TMEM132C: variants seen among roughly 807,000 people sequenced by gnomAD.
TMEM132C encodes transmembrane protein 132C.
TMEM132C carries 29 observed loss-of-function variants against 61.4 expected under a neutral mutation model. That is an observed-to-expected ratio of 0.47 (90% CI 0.35 to 0.64). The LOEUF (loss-of-function observed/expected upper bound fraction) is 0.64, where lower values mean the gene tolerates loss of function less well. Among genes scored for constraint, TMEM132C ranks in the 30% least tolerant of loss-of-function variants. The probability of loss-of-function intolerance (pLI) is 0.00; values close to 1 mark genes in which losing one functional copy is unlikely to be tolerated. For synonymous variants in TMEM132C, 656 were observed against 633.1 expected (o/e 1.04, Z -0.54); for missense variants, 1,408 against 1,476.9 (o/e 0.95, Z 0.76).
intron 1 of TMEM132C, among the ~76,000 whole-genome samples, chr12:128,279,001 T>G (rs1170003170): frequency 1.3e-5 from 2 of 152,190 alleles, no homozygotes; most frequent in East Asian, 3.9e-4. Flanking sequence ...CCCTACAGAT[T>G]TTGGACTTGC....
At chr12:128,413,465 C>T (rs117432306) in intron 1 of TMEM132C, among the ~76,000 whole-genome samples, 2,328 of 151,750 alleles carry the variant, frequency 0.015, 27 homozygotes, top group Non-Finnish European at 0.025. Flanking sequence ...AAGGTCGTAC[C>T]GCTTTTCATT....
At chr12:128,414,636 C>T in intron 1 of TMEM132C, 96 bp from the exon 2 acceptor site, 1 of 1,325,080 alleles carries the variant, frequency 7.5e-7, no homozygotes, top group East Asian at 2.6e-5. Flanking sequence ...ATTTCTATCC[C>T]TCATTTCTAA....
At chr12:128,600,022 A>G (rs531039159) in intron 3 of TMEM132C, among the ~76,000 whole-genome samples, 39 of 152,098 alleles carry the variant, frequency 2.6e-4, no homozygotes, top group Admixed American at 1.2e-3. Flanking sequence ...TCTGGCTGTC[A>G]CCCAGGCTGG....
At chr12:128,392,635 C>T (rs190281686) in intron 1 of TMEM132C, among the ~76,000 whole-genome samples, 1 of 152,118 alleles carries the variant, frequency 6.6e-6, no homozygotes, top group African/African-American at 2.4e-5. Context: ...GTAGCAAAGA[C>T]AGGCAAACAG....
chr12:128,635,370 AC>A (rs1354195030), intron 4 of TMEM132C, among the ~76,000 whole-genome samples: 1 of 152,072 alleles, frequency 6.6e-6, no homozygotes, highest in Non-Finnish European at 1.5e-5. Flanking sequence ...ATTTTCAAGA[AC>A]CTTAGGTGGG....
rs546008474 is a variant in TMEM132C, at chr12:128,301,314, T to A, written c.85+33827T>A. Among the ~76,000 whole-genome samples the A allele has an allele frequency of 2.6e-4, 40 of 152,344 alleles. No homozygotes were observed. In the South Asian group the frequency reaches 8.1e-3, roughly 31 times the overall value. On this transcript the variant is annotated intron_variant, in intron 1 of 8. Coordinates refer to ENST00000435159, the MANE Select transcript of TMEM132C (RefSeq NM_001136103.3). ...CAGTTAGCTCTCCAGACCTCAGTTCTAGTTCCCGCCTCATTGCTGTGTTCA... is the reference window on the plus strand; with the variant it reads ...CAGTTAGCTCTCCAGACCTCAGTTCAAGTTCCCGCCTCATTGCTGTGTTCA...
intron 1 of TMEM132C, among the ~76,000 whole-genome samples, chr12:128,277,360 G>A (rs1870728366): frequency 6.6e-6 from 1 of 152,112 alleles, no homozygotes; most frequent in African/African-American, 2.4e-5. Flanking sequence ...CTTCATTTTG[G>A]AGAGGCCATC....
rs968484416 is a variant in TMEM132C, at chr12:128,616,143, C to G, written c.1122-9C>G. The G allele has an allele frequency of 5.2e-6, 8 of 1,549,284 alleles. No individual in the cohort carries two copies. The East Asian group carries it at 9.8e-5, about 19-fold the overall frequency. On this transcript the variant is annotated splice_polypyrimidine_tract_variant and intron_variant, in intron 3 of 8. Coordinates refer to ENST00000435159, the MANE Select transcript of TMEM132C (RefSeq NM_001136103.3). ...TTGGCTTAAAGCCAGTTTCTTTTCT[C>G]TCTTCCAGGAGCAGCAGTTTATTCA...
chr12:128,620,478 G>T (rs1022928523), intron 4 of TMEM132C, among the ~76,000 whole-genome samples: 1 of 152,124 alleles, frequency 6.6e-6, no homozygotes, highest in African/African-American at 2.4e-5. Flanking sequence ...AGGGGATGGG[G>T]TCTAACTGAT....
chr12:128,603,993 A>T (rs1414547505), intron 3 of TMEM132C, among the ~76,000 whole-genome samples: 1 of 152,186 alleles, frequency 6.6e-6, no homozygotes, highest in Non-Finnish European at 1.5e-5. Context: ...GGGGAAGTGT[A>T]GAGAGAAGAG....
intron 1 of TMEM132C, among the ~76,000 whole-genome samples, chr12:128,310,860 A>G (rs1871942960): frequency 6.6e-6 from 1 of 152,198 alleles, no homozygotes; most frequent in African/African-American, 2.4e-5. Flanking sequence ...TGTGTTTCAA[A>G]ATATGGAGAA....
chr12:128,509,905 T>G (rs1263440429), intron 2 of TMEM132C, among the ~76,000 whole-genome samples: 1 of 152,064 alleles, frequency 6.6e-6, no homozygotes, highest in Non-Finnish European at 1.5e-5. Flanking sequence ...TATCAGAGAG[T>G]CAAACTAAAT....
intron 1 of TMEM132C, among the ~76,000 whole-genome samples, chr12:128,267,791 C>T (rs1176566159): frequency 3.3e-5 from 5 of 152,176 alleles, no homozygotes; most frequent in Admixed American, 2.0e-4. Context: ...GGTGTTTGTT[C>T]CCCATCCCTG....
chr12:128,287,102 A>C (rs1871099192), intron 1 of TMEM132C, among the ~76,000 whole-genome samples: 1 of 152,116 alleles, frequency 6.6e-6, no homozygotes, highest in African/African-American at 2.4e-5. Context: ...AGCACTGTTG[A>C]CATGTTGGGC....
chr12:128,369,739 A>AC (rs753900397), intron 1 of TMEM132C, among the ~76,000 whole-genome samples: 161 of 152,326 alleles, frequency 1.1e-3, no homozygotes, highest in Non-Finnish European at 2.1e-3. Context: ...GGTTGTTCTC[A>AC]CCCAAAACCT....
chr12:128,288,324 C>T, intron 1 of TMEM132C: 1 of 152,512 alleles, frequency 6.6e-6, no homozygotes. Flanking sequence ...TCCCAAAGTG[C>T]TAGGATTACA....
intron 3 of TMEM132C, among the ~76,000 whole-genome samples, chr12:128,576,154 G>A (rs1875084298): frequency 6.6e-6 from 1 of 152,004 alleles, no homozygotes; most frequent in African/African-American, 2.4e-5. Context: ...ACTCGGGAGG[G>A]TGAGGCAGGA....
chr12:128,435,928 C>T (rs540687771), intron 2 of TMEM132C, among the ~76,000 whole-genome samples: 9 of 152,204 alleles, frequency 5.9e-5, no homozygotes, highest in African/African-American at 7.2e-5. Flanking sequence ...CAAAACAGCA[C>T]GGTACTGGTA....
intron 1 of TMEM132C, among the ~76,000 whole-genome samples, chr12:128,393,420 G>C (rs932433287): frequency 4.6e-5 from 7 of 152,276 alleles, no homozygotes; most frequent in Middle Eastern, 3.4e-3. Context: ...GGAAATGACA[G>C]ACAACAGGCT....
Sources: gnomAD v4.1 joint callset for allele counts (sites outside exome capture counted in the v4.1 genomes callset) on GRCh38, gnomAD v4.1.1 for gene constraint, MANE v1.5 for transcripts, NCBI Gene and HGNC (gene_info 2026-07-23, HGNC 2026-07-21) for gene names.